MRPL37: variants seen among roughly 807,000 people sequenced by gnomAD.
MRPL37 encodes mitochondrial ribosomal protein L37, also known as large ribosomal subunit protein mL37.
Under a neutral mutation model 44.1 loss-of-function variants are expected in MRPL37, and 34 were observed. That is an observed-to-expected ratio of 0.77 (90% CI 0.59 to 1.03). The LOEUF is 1.03. Ranked by LOEUF, MRPL37 falls within the 50% of genes least tolerant of loss-of-function variation. The probability of loss-of-function intolerance (pLI) is 0.00; values close to 1 mark genes in which losing one functional copy is unlikely to be tolerated. For synonymous variants in MRPL37, 212 were observed against 219.5 expected, an observed-to-expected ratio of 0.97 and a Z score of 0.30; for missense variants, 532 against 543.7, an observed-to-expected ratio of 0.98 and a Z score of 0.21.
chr1:54,208,151 A>G (rs1644137158), intron 3 of MRPL37, among the ~76,000 whole-genome samples: 1 of 152,184 alleles, frequency 6.6e-6, no homozygotes, highest in Non-Finnish European at 1.5e-5. Context: ...CATGTAGCAT[A>G]TATGCTAATC....
downstream of MRPL37, among the ~76,000 whole-genome samples, chr1:54,222,175 T>C (rs1644239003): frequency 6.6e-6 from 1 of 152,178 alleles, no homozygotes; most frequent in Non-Finnish European, 1.5e-5. Flanking sequence ...AAGAGGGCTC[T>C]TACATGGTCC....
rs577107158 is a variant in MRPL37 at position 54,209,686 on chromosome 1, C to G, written c.647-260C>G. Among the ~76,000 whole-genome samples, 20 of 152,162 alleles carry G rather than the reference C, an allele frequency of 1.3e-4. No individual in the cohort carries two copies. The East Asian group carries it at 3.9e-3, about 30-fold the overall frequency. On this transcript the variant is annotated intron_variant, in intron 3 of 6. Coordinates refer to ENST00000360840, the MANE Select transcript of MRPL37 (RefSeq NM_016491.4). ...GCGTTAGCCAGGATGGTCTTGATAT[C>G]CTGACCTCGTGATCCACCCGCCTCA...
chr1:54,224,898 C>T (rs1185645916), downstream of MRPL37, among the ~76,000 whole-genome samples: 1 of 149,416 alleles, frequency 6.7e-6, no homozygotes, highest in African/African-American at 2.5e-5. Flanking sequence ...CTGCACTACT[C>T]TCAAAACCCT....
downstream of MRPL37, among the ~76,000 whole-genome samples, chr1:54,222,597 T>C (rs981014423): frequency 1.3e-5 from 2 of 152,106 alleles, no homozygotes; most frequent in African/African-American, 4.8e-5. Flanking sequence ...TTTCCTGGTC[T>C]TCTACTCACT....
chr1:54,224,317 T>C (rs1418935209), downstream of MRPL37, among the ~76,000 whole-genome samples: 6 of 152,178 alleles, frequency 3.9e-5, no homozygotes, highest in East Asian at 1.9e-4. Context: ...TGGAATCTCC[T>C]AGATCCTCCC....
At chr1:54,223,429 G>A (rs545735575), downstream of MRPL37, among the ~76,000 whole-genome samples, 1 of 152,338 alleles carries the variant, frequency 6.6e-6, no homozygotes, top group East Asian at 1.9e-4. Context: ...GGACAGCCGA[G>A]ACTGGGGCGG....
intron 3 of MRPL37, among the ~76,000 whole-genome samples, chr1:54,206,365 G>C (rs1370403810): frequency 6.6e-6 from 1 of 151,486 alleles, no homozygotes; most frequent in Non-Finnish European, 1.5e-5. Context: ...GCCTGCCTCG[G>C]CCTCCCAAAG....
chr1:54,221,725 A>T (rs1235934678), downstream of MRPL37, among the ~76,000 whole-genome samples: 4 of 152,140 alleles, frequency 2.6e-5, no homozygotes, highest in Non-Finnish European at 5.9e-5. Flanking sequence ...CGTGTACACG[A>T]GACCCATGGA....
At chr1:54,203,322 G>A (rs746882717) in intron 1 of MRPL37, among the ~76,000 whole-genome samples, 1 of 151,928 alleles carries the variant, frequency 6.6e-6, no homozygotes, top group Non-Finnish European at 1.5e-5. Context: ...CTACGTATAC[G>A]CCATCTTTTC....
chr1:54,212,377 T>A, intron 4 of MRPL37, 124 bp from the exon 5 acceptor site: 1 of 1,180,592 alleles, frequency 8.5e-7, no homozygotes, highest in South Asian at 1.5e-5. Context: ...ATAGTGATAG[T>A]ATCCACCTTT....
chr1:54,203,890 GA>G (rs1426984703), intron 1 of MRPL37, among the ~76,000 whole-genome samples: 2 of 152,158 alleles, frequency 1.3e-5, no homozygotes, highest in African/African-American at 4.8e-5. Flanking sequence ...TTTTATAAAT[GA>G]AGTTTTATTG....
intron 3 of MRPL37, 124 bp from the exon 4 acceptor site, chr1:54,209,822 C>G (rs1644151166): frequency 2.1e-6 from 2 of 975,318 alleles, no homozygotes; most frequent in African/African-American, 1.6e-5. Flanking sequence ...ACCTAGAACT[C>G]CTGGCTTCCA....
At chr1:54,205,251 G>A (rs778570527) in intron 2 of MRPL37, 44 bp from the exon 3 acceptor site, 6 of 1,607,266 alleles carry the variant, frequency 3.7e-6, no homozygotes, top group East Asian at 2.2e-5. Flanking sequence ...TCTTCGAGTC[G>A]ACCTGTTGCT....
At chr1:54,222,239 G>A (rs1303490303), downstream of MRPL37, among the ~76,000 whole-genome samples, 1 of 152,216 alleles carries the variant, frequency 6.6e-6, no homozygotes, top group African/African-American at 2.4e-5. Context: ...GAACCAGGCT[G>A]TGGGGACCCA....
chr1:54,224,084 C>T (rs1394197265), downstream of MRPL37, among the ~76,000 whole-genome samples: 7 of 152,218 alleles, frequency 4.6e-5, no homozygotes, highest in East Asian at 5.8e-4. Flanking sequence ...CCATGGCTCT[C>T]GTCTGTGCCT....
At position 54,205,355 on chromosome 1, in the gene MRPL37, T is replaced by C; in HGVS notation, c.591T>C (p.Ser197=). 4.3e-6 allele frequency: 7 copies of C among 1,614,128 alleles called. No homozygotes were observed. Among genetic ancestry groups the C allele is most frequent in the Middle Eastern group, 1.6e-4 (1 of 6,062 alleles). The part of the protein sequence containing the change: ...LCKSQILKHP[S]LARRICVQNS... Reference sequence around the variant, plus strand: ...AATCTCAGATTCTCAAGCATCCTTCTCTGGCCAGGAGGATCTGTGTCCAAA... The same window carrying C: ...AATCTCAGATTCTCAAGCATCCTTCCCTGGCCAGGAGGATCTGTGTCCAAA... Residue 197 remains serine, a synonymous_variant, in exon 3 of 7, where the codon TCT becomes TCC. Transcript: ENST00000360840.
Position 54,200,275 on chromosome 1 carries a change from C to CGCTA in MRPL37, c.36_39dup (p.Gly14SerfsTer20). 1 of 1,600,936 alleles carries CGCTA rather than the reference C, an allele frequency of 6.2e-7. No homozygotes were observed. ...TTGGCGTCCGGGCCCGCAAGGCGGGCGCTAGCTGGCTCCGGGCAGCTCGGC... is the reference window on the plus strand; with the variant it reads ...TTGGCGTCCGGGCCCGCAAGGCGGGCGCTAGCTAGCTGGCTCCGGGCAGCTCGGC... On this transcript the variant is annotated frameshift_variant, in exon 1 of 7. Transcript: ENST00000360840. LOFTEE classifies it high-confidence loss of function.
At chr1:54,206,908 TG>T (rs1475274504) in intron 3 of MRPL37, among the ~76,000 whole-genome samples, 29 of 2,938 alleles carry the variant, frequency 9.9e-3, no homozygotes, top group African/African-American at 0.015. Context: ...CTAATTTTTG[TG>T]TGTGTGTGTG....
downstream of MRPL37, among the ~76,000 whole-genome samples, chr1:54,219,967 T>C (rs1644221944): frequency 6.6e-6 from 1 of 152,240 alleles, no homozygotes; most frequent in Non-Finnish European, 1.5e-5. Context: ...TTAGAAATAA[T>C]GCTGCAGTGA....
Sources: gnomAD v4.1 joint callset for allele counts (sites outside exome capture counted in the v4.1 genomes callset) on GRCh38, gnomAD v4.1.1 for gene constraint, MANE v1.5 for transcripts, NCBI Gene and HGNC (gene_info 2026-07-23, HGNC 2026-07-21) for gene names.